Variants in CCNT2 observed in about 807,000 individuals in gnomAD.
CCNT2 encodes the protein cyclin-T2.
A neutral mutation model predicts 70.0 loss-of-function variants in CCNT2; 18 were observed. The observed-to-expected ratio is 0.26, with a 90% CI of 0.18 to 0.38. The LOEUF is 0.38. CCNT2 is among the 10% of genes least tolerant of loss of function. The pLI is 1.00. For missense variants in CCNT2, 734 were observed against 890.2 expected, an observed-to-expected ratio of 0.82 and a Z score of 2.23; for synonymous variants, 334 against 313.3, an observed-to-expected ratio of 1.07 and a Z score of -0.70.
intron 7 of CCNT2, 80 bp from the exon 8 acceptor site, chr2:134,952,561 C>T: frequency 2.6e-6 from 2 of 762,800 alleles, no homozygotes; most frequent in Non-Finnish European, 4.3e-6. Flanking sequence ...TCCTAGCATT[C>T]CTTTTTAATA....
chr2:134,926,710 C>T (rs943318302), intron 2 of CCNT2, among the ~76,000 whole-genome samples: 22 of 152,168 alleles, frequency 1.4e-4, no homozygotes, highest in African/African-American at 5.3e-4. Context: ...TTGCACTGTG[C>T]TGTGTATGTT....
rs888622551 is a variant in CCNT2 at position 134,927,766 on chromosome 2, G to A, written c.240+7875G>A. Among the ~76,000 whole-genome samples, 14 of 152,160 alleles carry A rather than the reference G, an allele frequency of 9.2e-5. 1 individual carries two copies. The East Asian group carries it at 2.5e-3, about 27-fold the overall frequency. ...ATTATAAACATACATATACATTCTA[G>A]GGAGTACATATTTACACATGTTCTA... On this transcript the variant is annotated intron_variant, in intron 2 of 8. Coordinates refer to ENST00000264157, the MANE Select transcript of CCNT2 (RefSeq NM_058241.3).
At position 134,919,909 on chromosome 2, in the gene CCNT2, G is replaced by C; in HGVS notation, c.240+18G>C. On this transcript the variant is annotated intron_variant, in intron 2 of 8. Coordinates refer to ENST00000264157, the MANE Select transcript of CCNT2 (RefSeq NM_058241.3). ...ACAAAAATGTAAGTACTAGTTGTCT[G>C]TTTTTACTGTCCGCAAATTTGAGGG... The C allele has an allele frequency of 6.4e-7, 1 of 1,563,500 alleles. No homozygotes were observed. The highest frequency in any genetic ancestry group is 1.1e-5 in the South Asian group (1 of 87,782).
intron 2 of CCNT2, among the ~76,000 whole-genome samples, chr2:134,934,937 A>G (rs915126420): frequency 2.0e-5 from 3 of 152,230 alleles, no homozygotes; most frequent in African/African-American, 4.8e-5. Context: ...TAAATGAGAG[A>G]TTGTGGGAAA....
At position 134,946,118 on chromosome 2, in the gene CCNT2, C is replaced by A. The variant is rs866903276; in HGVS notation, c.511C>A (p.Gln171Lys). The A allele has an allele frequency of 6.2e-7, 1 of 1,611,186 alleles. No homozygotes were observed. Among genetic ancestry groups the A allele is most frequent in the Non-Finnish European group, 8.5e-7 (1 of 1,179,572 alleles). The change falls in exon 6 of 9, where the codon CAG becomes AAG. Residue 171 changes from glutamine (Q) to lysine (K), a missense_variant. By Grantham distance (53) the Gln-to-Lys change is moderately conservative. Coordinates refer to ENST00000264157, the MANE Select transcript of CCNT2 (RefSeq NM_058241.3). ...QLVRASKDLAQTSYFMATNSL... is the reference protein window; with the variant it reads ...QLVRASKDLAKTSYFMATNSL... ...TCTTACAGCAAGCAAGGATTTGGCA[C>A]AGACATCCTATTTCATGGCTACCAA...
rs141802303 is a variant in CCNT2, at chr2:134,946,102, A to G, written c.495A>G (p.Ala165=). The change falls in exon 6 of 9, where the codon GCA becomes GCG. Residue 165 remains alanine, a splice_region_variant and synonymous_variant. Transcript: ENST00000264157. ...TTCGTTTTTTTTTTTTTCTTACAGC[A>G]AGCAAGGATTTGGCACAGACATCCT... is the stretch of plus-strand genomic sequence containing the variant. ...DVVKCTQLVR[A]SKDLAQTSYF... The G allele has an allele frequency of 6.2e-7, 1 of 1,610,568 alleles. No homozygotes were observed. The highest frequency in any genetic ancestry group is 1.3e-5 in the African/African-American group (1 of 74,564).
intron 2 of CCNT2, chr2:134,920,160 T>C (rs1559085059): frequency 1.4e-5 from 4 of 293,246 alleles, no homozygotes; most frequent in Non-Finnish European, 1.9e-5. Flanking sequence ...ACATAGGTTT[T>C]CTTCATTTAA....
At chr2:134,928,046 G>A (rs1174364576) in intron 2 of CCNT2, among the ~76,000 whole-genome samples, 1 of 152,178 alleles carries the variant, frequency 6.6e-6, no homozygotes, top group African/African-American at 2.4e-5. Context: ...GTTAAGGCTT[G>A]TGCTTAGTGA....
At chr2:134,928,715 G>A (rs1017522775) in intron 2 of CCNT2, among the ~76,000 whole-genome samples, 5 of 151,938 alleles carry the variant, frequency 3.3e-5, no homozygotes, top group Admixed American at 2.6e-4. Context: ...TTAAACTGAG[G>A]GTTCATTTAG....
Position 134,953,875 on chromosome 2 carries a change from A to G in CCNT2, c.1420A>G (p.Ser474Gly), listed in dbSNP as rs780331397. Residue 474 changes from serine to glycine, a missense_variant, in exon 9 of 9, where the codon AGC becomes GGC. By Grantham distance (56) the Ser-to-Gly change is moderately conservative. This residue lies in a region of CCNT2 where 532 missense variants were observed against 556.9 expected (regional missense o/e 0.96). Coordinates refer to ENST00000264157, the MANE Select transcript of CCNT2 (RefSeq NM_058241.3). ...QHKQGQSQAA[S>G]SSSVTSPIKM... Reference sequence around the variant, plus strand: ...CAAACAAGGGCAGTCACAGGCAGCCAGCAGCAGTTCTGTTACTTCTCCCAT... The same window carrying G: ...CAAACAAGGGCAGTCACAGGCAGCCGGCAGCAGTTCTGTTACTTCTCCCAT... 1.9e-6 allele frequency: 3 copies of G among 1,614,042 alleles called. No homozygotes were observed. The Admixed American group carries it at 5.0e-5, about 27-fold the overall frequency.
chr2:134,930,709 A>G (rs988675360), intron 2 of CCNT2, among the ~76,000 whole-genome samples: 1 of 151,228 alleles, frequency 6.6e-6, no homozygotes, highest in Non-Finnish European at 1.5e-5. Context: ...CCATCCTAAC[A>G]GTGTGAAATG....
In CCNT2 at chr2:134,954,324, CAAT is replaced by C. The variant is rs1559118394; in HGVS notation, c.1870_1872del (p.Asn624del). ...GCTCTTCAAGGAAGAGGCTGCATGTCAATGATGCATCTCACAACCACCACTCCA... is the reference window on the plus strand; with the variant it reads ...GCTCTTCAAGGAAGAGGCTGCATGTCGATGCATCTCACAACCACCACTCCA... On this transcript the variant is annotated inframe_deletion, in exon 9 of 9. Coordinates refer to ENST00000264157, the MANE Select transcript of CCNT2 (RefSeq NM_058241.3). The C allele has an allele frequency of 1.2e-6, 2 of 1,614,162 alleles. No homozygotes were observed. Among genetic ancestry groups the C allele is most frequent in the Non-Finnish European group, 1.7e-6 (2 of 1,180,014 alleles).
At chr2:134,938,981 G>A (rs1281786429) in intron 3 of CCNT2, 21 bp from the exon 4 acceptor site, 2 of 1,511,578 alleles carry the variant, frequency 1.3e-6, no homozygotes, top group Non-Finnish European at 9.2e-7. Context: ...TAATCAATTT[G>A]ATAATATTTT....
intron 5 of CCNT2, chr2:134,943,911 A>G (rs1681754640): frequency 1.0e-6 from 1 of 969,092 alleles, no homozygotes; most frequent in African/African-American, 1.8e-5. Flanking sequence ...ACGACTTTTG[A>G]AAATCTTTTG....
chr2:134,933,111 G>A (rs1006146279), intron 2 of CCNT2, among the ~76,000 whole-genome samples: 3 of 152,156 alleles, frequency 2.0e-5, no homozygotes, highest in African/African-American at 4.8e-5. Flanking sequence ...CACAAGAACA[G>A]GTTAGAATGA....
intron 2 of CCNT2, among the ~76,000 whole-genome samples, chr2:134,931,033 G>A (rs546163887): frequency 5.9e-5 from 9 of 151,614 alleles, no homozygotes; most frequent in African/African-American, 2.2e-4. Flanking sequence ...CGCCATCTGG[G>A]CTCACTGCGT....
intron 3 of CCNT2, among the ~76,000 whole-genome samples, 191 bp from the exon 4 acceptor site, chr2:134,938,811 A>G (rs534715952): frequency 3.0e-4 from 46 of 152,178 alleles, no homozygotes; most frequent in African/African-American, 1.1e-3. Context: ...TTCCTGTTAC[A>G]GAAAGTAATT....
intron 2 of CCNT2, among the ~76,000 whole-genome samples, chr2:134,933,082 A>G (rs559816722): frequency 4.3e-4 from 65 of 152,324 alleles, no homozygotes; most frequent in African/African-American, 1.4e-3. Context: ...TCACTAGCCT[A>G]TAGAACCTAA....
rs769994576 is a variant in CCNT2, at chr2:134,953,411, A to G, written c.956A>G (p.Asn319Ser). Reference sequence around the variant, plus strand: ...GCGCCAGTACCTCTAAATTCAGGAAATATTTCTGTTCAAGACAGCCATACA... The same window carrying G: ...GCGCCAGTACCTCTAAATTCAGGAAGTATTTCTGTTCAAGACAGCCATACA... ...FPAPVPLNSG[N>S]ISVQDSHTSD... The change falls in exon 9 of 9, where the codon AAT becomes AGT. Residue 319 changes from asparagine to serine, a missense_variant. By Grantham distance (46) the Asn-to-Ser change is conservative. Coordinates refer to ENST00000264157, the MANE Select transcript of CCNT2 (RefSeq NM_058241.3). 9 of 1,607,036 alleles carry G rather than the reference A, an allele frequency of 5.6e-6. No homozygotes were observed. The highest frequency in any genetic ancestry group is 7.7e-6 in the Non-Finnish European group (9 of 1,176,316).
Sources: gnomAD v4.1 joint callset for allele counts (sites outside exome capture counted in the v4.1 genomes callset) on GRCh38, gnomAD v4.1.1 for gene constraint, gnomAD v4.1.1 regional missense constraint, MANE v1.5 for transcripts, NCBI Gene and HGNC (gene_info 2026-07-23, HGNC 2026-07-21) for gene names.